ACBD7: variants seen among roughly 807,000 people sequenced by gnomAD.
The protein encoded by ACBD7 is acyl-CoA binding domain containing 7.
A neutral mutation model predicts 13.7 loss-of-function variants in ACBD7; 11 were observed. The observed-to-expected ratio is 0.80, with a 90% CI of 0.50 to 1.33. The LOEUF (loss-of-function observed/expected upper bound fraction) is 1.33, where lower values mean the gene tolerates loss of function less well. Ranked by LOEUF, ACBD7 falls within the 40% of genes most tolerant of loss-of-function variation. The pLI, the probability that ACBD7 is intolerant of heterozygous loss-of-function variation, is 0.00. For synonymous variants in ACBD7, 43 were observed against 37.7 expected (o/e 1.14, Z -0.51); for missense variants, 111 against 103.0 (o/e 1.08, Z -0.33).
At chr10:15,081,166 T>C (rs1447909324) in intron 1 of ACBD7, among the ~76,000 whole-genome samples, 1 of 151,670 alleles carries the variant, frequency 6.6e-6, no homozygotes, top group East Asian at 1.9e-4. Flanking sequence ...CAGCACTGAC[T>C]GAGTGGTTAA....
At chr10:15,086,475 A>G (rs1220287140) in intron 1 of ACBD7, among the ~76,000 whole-genome samples, 1 of 152,244 alleles carries the variant, frequency 6.6e-6, no homozygotes, top group Non-Finnish European at 1.5e-5. Context: ...ACAACAGAAA[A>G]CCAAAGTACT....
At chr10:15,079,319 G>T (rs1039478013) in intron 1 of ACBD7, among the ~76,000 whole-genome samples, 1 of 146,020 alleles carries the variant, frequency 6.8e-6, no homozygotes, top group Admixed American at 6.9e-5. Flanking sequence ...GCCCAGGCTG[G>T]AGTGCAGTGC....
In ACBD7 at chr10:15,076,723, C is replaced by T. The variant is rs1037091638; in HGVS notation, c.*1807G>A. The stretch of plus-strand genomic sequence containing the variant: ...TTTGCAATGTTGGTCAGGCTGGTCT[C>T]GAACTTCTGACCTCAGTAATCCACC... On this transcript the variant is annotated 3_prime_UTR_variant, in exon 4 of 4. Transcript: ENST00000356189. 8 of 917,130 alleles carry T rather than the reference C, an allele frequency of 8.7e-6. No individual in the cohort carries two copies. The highest frequency in any genetic ancestry group is 1.2e-4 in the East Asian group (1 of 8,420). 56.8% of individuals were successfully genotyped at this position (917,130 alleles called of 1,614,324 possible). A position where few individuals can be genotyped will look rare whatever the true frequency, so the allele number is the denominator to read the frequency against.
rs997680101 is a variant in ACBD7 at position 15,077,794 on chromosome 10, A to T, written c.*736T>A. On this transcript the variant is annotated 3_prime_UTR_variant, in exon 4 of 4. Transcript: ENST00000356189. ...AGGCTGAGGCAAGAGAATCACTTGAACCCAGGAGGCGGAGGTTGCAGTGAA... is the reference window on the plus strand; with the variant it reads ...AGGCTGAGGCAAGAGAATCACTTGATCCCAGGAGGCGGAGGTTGCAGTGAA... 2 of 152,232 alleles carry T rather than the reference A, an allele frequency of 1.3e-5. No individual in the cohort carries two copies. Among genetic ancestry groups the T allele is most frequent in the Non-Finnish European group, 2.9e-5 (2 of 68,130 alleles). 9.4% of individuals were successfully genotyped at this position (152,232 alleles called of 1,614,324 possible). A position where few individuals can be genotyped will look rare whatever the true frequency, so the allele number is the denominator to read the frequency against.
intron 1 of ACBD7, among the ~76,000 whole-genome samples, chr10:15,084,854 A>G (rs1844791179): frequency 6.6e-6 from 1 of 152,234 alleles, no homozygotes; most frequent in Non-Finnish European, 1.5e-5. Flanking sequence ...TCAATTTTCC[A>G]TCTGCCACAC....
chr10:15,079,890 T>C (rs1015883832), intron 1 of ACBD7, among the ~76,000 whole-genome samples: 28 of 151,584 alleles, frequency 1.8e-4, no homozygotes, highest in Non-Finnish European at 3.8e-4. Flanking sequence ...TTTCTTTTTT[T>C]TTTTTTTTGG....
At chr10:15,084,020 G>C (rs117349366) in intron 1 of ACBD7, among the ~76,000 whole-genome samples, 1,881 of 152,270 alleles carry the variant, frequency 0.012, 20 homozygotes, top group Non-Finnish European at 0.016. Context: ...CAGTTGCTCT[G>C]GGAACACAGG....
At chr10:15,079,161 G>T in intron 1 of ACBD7, 121 bp from the exon 2 acceptor site, 1 of 489,064 alleles carries the variant, frequency 2.0e-6, no homozygotes, top group Non-Finnish European at 3.5e-6. Flanking sequence ...GGTTCTATCA[G>T]AATCATCTTA....
In ACBD7 at chr10:15,078,483, T is replaced by C. The variant is rs760517702; in HGVS notation, c.*47A>G. On this transcript the variant is annotated 3_prime_UTR_variant, in exon 4 of 4. Transcript: ENST00000356189. Reference sequence around the variant, plus strand: ...TCTCCCTCTAAATGTTAGGTCATGATAGCATTTGGAAGTCTTCAAAAGGAA... The same window carrying C: ...TCTCCCTCTAAATGTTAGGTCATGACAGCATTTGGAAGTCTTCAAAAGGAA... 15 of 1,612,532 alleles carry C rather than the reference T, an allele frequency of 9.3e-6. 1 individual carries two copies. The South Asian group carries it at 1.6e-4, about 18-fold the overall frequency.
rs1844687966 is a variant in ACBD7 at position 15,076,861 on chromosome 10, C to G, written c.*1669G>C. On this transcript the variant is annotated 3_prime_UTR_variant, in exon 4 of 4. Transcript: ENST00000356189. ...CACCAGTAACATTAACTTATTGTAA[C>G]AGAACAGATGAGCCAAAAGAACAAA... 1 of 985,318 alleles carries G rather than the reference C, an allele frequency of 1.0e-6. No homozygotes were observed. Among genetic ancestry groups the G allele is most frequent in the Non-Finnish European group, 1.2e-6 (1 of 829,926 alleles). The allele number at this position is 985,318 out of a possible 1,614,324, so 61.0% of individuals were successfully genotyped here. A position where few individuals can be genotyped will look rare whatever the true frequency, so the allele number is the denominator to read the frequency against.
Position 15,075,904 on chromosome 10 carries a change from G to A in ACBD7, c.*2626C>T, listed in dbSNP as rs1024410896. ...TGGGAGGATTGCTTGACCCTGGGAG[G>A]CAGAGGTTGCAGTGAGCCGAGAGCG... is the stretch of plus-strand genomic sequence containing the variant. On this transcript the variant is annotated 3_prime_UTR_variant, in exon 4 of 4. Coordinates refer to ENST00000356189, the MANE Select transcript of ACBD7 (RefSeq NM_001039844.3). Among the ~76,000 whole-genome samples the A allele has an allele frequency of 6.7e-6, 1 of 149,914 alleles. No homozygotes were observed. The highest frequency in any genetic ancestry group is 1.5e-5 in the Non-Finnish European group (1 of 67,796).
chr10:15,085,136 T>G (rs955083415), intron 1 of ACBD7, among the ~76,000 whole-genome samples: 2 of 152,174 alleles, frequency 1.3e-5, no homozygotes, highest in African/African-American at 4.8e-5. Context: ...GCATCCTGGT[T>G]GAATGTTTTG....
intron 1 of ACBD7, among the ~76,000 whole-genome samples, chr10:15,083,230 A>G (rs1385386798): frequency 6.6e-6 from 1 of 152,032 alleles, no homozygotes; most frequent in East Asian, 1.9e-4. Context: ...TGGTTCTGGC[A>G]CCTCAGTGCA....
At chr10:15,086,778 C>T (rs926941908) in intron 1 of ACBD7, among the ~76,000 whole-genome samples, 3 of 152,098 alleles carry the variant, frequency 2.0e-5, no homozygotes, top group African/African-American at 7.2e-5. Flanking sequence ...CTTTGGGAGG[C>T]TGAGGCGGGC....
In ACBD7 at chr10:15,076,018, A is replaced by G. The variant is rs1844677650; in HGVS notation, c.*2512T>C. Reference sequence around the variant, plus strand: ...AAAAAGAAAAGAAAAAGAATGTTATATAAATGGAATTATACATGTCACATT... The same window carrying G: ...AAAAAGAAAAGAAAAAGAATGTTATGTAAATGGAATTATACATGTCACATT... On this transcript the variant is annotated 3_prime_UTR_variant, in exon 4 of 4. Transcript: ENST00000356189. 2 of 672,836 alleles carry G rather than the reference A, an allele frequency of 3.0e-6. No individual in the cohort carries two copies. The highest frequency in any genetic ancestry group is 1.3e-4 in the South Asian group (2 of 15,134). The allele number at this position is 672,836 out of a possible 1,614,324, so 41.7% of individuals were successfully genotyped here. A position where few individuals can be genotyped will look rare whatever the true frequency, so the allele number is the denominator to read the frequency against.
chr10:15,087,941 T>C (rs1844828272), intron 1 of ACBD7, among the ~76,000 whole-genome samples: 1 of 151,596 alleles, frequency 6.6e-6, no homozygotes, highest in African/African-American at 2.4e-5. Context: ...TGAGCAGAGG[T>C]TGCAGTGAGC....
Position 15,078,641 on chromosome 10 carries a change from C to T in ACBD7, c.194-38G>A, listed in dbSNP as rs769538288. 7 of 1,613,898 alleles carry T rather than the reference C, an allele frequency of 4.3e-6. No individual in the cohort carries two copies. In the African/African-American group the frequency reaches 9.3e-5, roughly 22 times the overall value. ...AAACAGGTTATCTCCCTGATTGGTG[C>T]ACTGGGAAATTAAGAAAGTTTGCTT... On this transcript the variant is annotated intron_variant, in intron 3 of 3. Coordinates refer to ENST00000356189, the MANE Select transcript of ACBD7 (RefSeq NM_001039844.3).
intron 1 of ACBD7, among the ~76,000 whole-genome samples, chr10:15,079,476 T>C (rs1313578940): frequency 6.6e-6 from 1 of 151,952 alleles, no homozygotes; most frequent in African/African-American, 2.4e-5. Context: ...GGTTTTGTCA[T>C]GTTGGCCAGG....
At chr10:15,084,069 A>G (rs1482384263) in intron 1 of ACBD7, among the ~76,000 whole-genome samples, 1 of 152,230 alleles carries the variant, frequency 6.6e-6, no homozygotes, top group African/African-American at 2.4e-5. Flanking sequence ...GGAAAAAGCC[A>G]TCCCTGAGAT....
Sources: allele counts gnomAD v4.1 joint callset (sites outside exome capture counted in the v4.1 genomes callset), GRCh38; gene constraint gnomAD v4.1.1; transcripts MANE v1.5; gene names NCBI Gene and HGNC (gene_info 2026-07-23, HGNC 2026-07-21).